LRP1: variants seen among roughly 807,000 people sequenced by gnomAD.
LRP1 encodes prolow-density lipoprotein receptor-related protein 1.
In LRP1, 51 loss-of-function variants were observed where a neutral mutation model predicts 541.5. That is an observed-to-expected ratio of 0.09 (90% confidence interval 0.08 to 0.12). The LOEUF (loss-of-function observed/expected upper bound fraction) is 0.12, where lower values mean the gene tolerates loss of function less well. Ranked by LOEUF, LRP1 falls within the 10% of genes least tolerant of loss-of-function variation. The pLI is 1.00. For synonymous variants in LRP1, 2,219 were observed against 2,470.8 expected, an observed-to-expected ratio of 0.90 and a Z score of 3.02; for missense variants, 3,878 against 6,376.2, an observed-to-expected ratio of 0.61 and a Z score of 13.34.
Position 57,158,553 on chromosome 12 carries a change from C to T in LRP1, c.1713C>T (p.Gly571=), listed in dbSNP as rs1264867398. 6.2e-6 allele frequency: 10 copies of T among 1,614,076 alleles called. No homozygotes were observed. The highest frequency in any genetic ancestry group is 1.1e-5 in the South Asian group (1 of 91,086). The change falls in exon 11 of 89, where the codon GGC becomes GGT. Residue 571 remains glycine, a synonymous_variant. Coordinates refer to ENST00000243077, the MANE Select transcript of LRP1 (RefSeq NM_002332.3). This position sits in a 1 kb window ranked among gnomAD's most constrained non-coding sequence, Gnocchi z 5.3. ...PRALDFHAET[G]FIYFADTTSY... ...CCCTGGACTTCCACGCTGAGACCGGCTTCATCTACTTTGCCGACACCACCA... is the reference window on the plus strand; with the variant it reads ...CCCTGGACTTCCACGCTGAGACCGGTTTCATCTACTTTGCCGACACCACCA...
chr12:57,178,497 A>G lies in LRP1; in HGVS notation c.4500A>G (p.Thr1500=), dbSNP rs927915194. Residue 1500 remains threonine (T), a synonymous_variant, in exon 27 of 89, where the codon ACA becomes ACG. Coordinates refer to ENST00000243077, the MANE Select transcript of LRP1 (RefSeq NM_002332.3). This position sits in a 1 kb window ranked among gnomAD's most constrained non-coding sequence, Gnocchi z 5.8. The stretch of plus-strand genomic sequence containing the variant: ...ACTGGACTGACTGGCGAACAAACAC[A>G]CTGGCTAAGGCCAACAAGTGGACCG... ...EVYWTDWRTN[T]LAKANKWTGH... 9.9e-6 allele frequency: 16 copies of G among 1,614,190 alleles called. No homozygotes were observed. Among genetic ancestry groups the G allele is most frequent in the Non-Finnish European group, 1.4e-5 (16 of 1,180,024 alleles).
At chr12:57,157,757 G>A (rs141812646) in intron 10 of LRP1, among the ~76,000 whole-genome samples, 36 of 152,370 alleles carry the variant, frequency 2.4e-4, no homozygotes, top group South Asian at 6.2e-4. Flanking sequence ...GAGCATGTCC[G>A]GCAGAGGAAA....
chr12:57,201,383 CGAA>C lies in LRP1; in HGVS notation c.10346-109_10346-107del, dbSNP rs2036651130. 2 of 1,478,086 alleles carry C rather than the reference CGAA, an allele frequency of 1.4e-6. No individual in the cohort carries two copies. Among genetic ancestry groups the C allele is most frequent in the South Asian group, 1.3e-5 (1 of 74,504 alleles). 91.6% of individuals were successfully genotyped at this position (1,478,086 alleles called of 1,614,324 possible). A position where few individuals can be genotyped will look rare whatever the true frequency, so the allele number is the denominator to read the frequency against. ...ACTGGGGATAAACTGTTCCTTCCTC[CGAA>C]GAAGTTGCTGGCAGGACCAAGGCCA... On this transcript the variant is annotated intron_variant, in intron 65 of 88. Coordinates refer to ENST00000243077, the MANE Select transcript of LRP1 (RefSeq NM_002332.3). The surrounding 1 kb of genome is among the most constrained non-coding windows in gnomAD (Gnocchi z 6.4).
At chr12:57,151,946 G>A (rs1053239573) in intron 6 of LRP1, among the ~76,000 whole-genome samples, 7 of 152,296 alleles carry the variant, frequency 4.6e-5, no homozygotes, top group Non-Finnish European at 8.8e-5. Flanking sequence ...AATACCAAAG[G>A]GGAGGCCAGG....
chr12:57,191,528 G>A lies in LRP1; in HGVS notation c.7429+16G>A, dbSNP rs547102179. 7.0e-6 allele frequency: 11 copies of A among 1,568,482 alleles called. No homozygotes were observed. The African/African-American group carries it at 8.1e-5, about 12-fold the overall frequency. ...ACCAACAGCTGTGAGTGGGGCTGCC[G>A]CCAGCTGCCTCACCCTCCTGCCTGT... On this transcript the variant is annotated intron_variant, in intron 44 of 88. Transcript: ENST00000243077.
At chr12:57,208,875 C>G (rs981403807) in intron 78 of LRP1, 58 bp downstream of exon 78, 1 of 1,410,996 alleles carries the variant, frequency 7.1e-7, no homozygotes, top group Non-Finnish European at 1.0e-6. Flanking sequence ...TCGCAGAGCC[C>G]AGCTGCTGCT....
intron 6 of LRP1, chr12:57,147,330 G>C (rs1292532408): frequency 6.6e-6 from 1 of 152,216 alleles, no homozygotes; most frequent in Non-Finnish European, 1.5e-5. Context: ...AACTGAGGAC[G>C]TCAGTGTCTC....
intron 77 of LRP1, 185 bp downstream of exon 77, chr12:57,208,401 G>A (rs2036833486): frequency 5.9e-6 from 4 of 672,438 alleles, no homozygotes; most frequent in Non-Finnish European, 9.9e-6. Context: ...TCTGCCCAGG[G>A]CCCCCAGCTG....
At position 57,145,488 on chromosome 12, in the gene LRP1, A is replaced by G. The variant is rs2035386461; in HGVS notation, c.839A>G (p.His280Arg). 1.2e-5 allele frequency: 20 copies of G among 1,612,306 alleles called. No individual in the cohort carries two copies. The highest frequency in any genetic ancestry group is 1.7e-5 in the Non-Finnish European group (20 of 1,179,150). ...ACCATCAACATCTCCCTCAGTCTGC[A>G]CCGTGAGTCACCTGCTCTCAGCTTG... ...EHTINISLSL[H>R]HVEQMAIDWL... Residue 280 changes from histidine (H) to arginine (R), a missense_variant and splice_region_variant, in exon 6 of 89, where the codon CAC becomes CGC. Around this residue, in one of 13 missense-constraint regions of LRP1, gnomAD observed 293 missense variants for 403.7 expected, o/e 0.73. Transcript: ENST00000243077.
At position 57,161,002 on chromosome 12, in the gene LRP1, A is replaced by G; in HGVS notation, c.2089A>G (p.Thr697Ala). ...CCGAGACATCTTTGTCACCTCCAAG[A>G]CAGTGCTTTGGCCCAATGGGCTAAG... is the stretch of plus-strand genomic sequence containing the variant. Reference protein sequence around the residue: ...SHRDIFVTSKTVLWPNGLSLD... With the variant: ...SHRDIFVTSKAVLWPNGLSLD... The change falls in exon 13 of 89, where the codon ACA (threonine) becomes GCA (alanine). Residue 697 changes from threonine to alanine, a missense_variant. Transcript: ENST00000243077. The G allele has an allele frequency of 6.2e-7, 1 of 1,613,826 alleles. No individual in the cohort carries two copies.
At position 57,143,676 on chromosome 12, in the gene LRP1, C is replaced by A; in HGVS notation, c.329-3C>A. On this transcript the variant is annotated splice_region_variant and splice_polypyrimidine_tract_variant and intron_variant, in intron 3 of 88. Transcript: ENST00000243077. ...AATATGTGTCTCTCCTGCCCCCACA[C>A]AGAGCTCCAAGGCAACTGCTCTCGC... The A allele has an allele frequency of 6.2e-7, 1 of 1,612,462 alleles. No homozygotes were observed. The highest frequency in any genetic ancestry group is 1.3e-5 in the African/African-American group (1 of 75,050).
intron 77 of LRP1, 82 bp downstream of exon 77, chr12:57,208,298 G>T (rs34100010): frequency 7.0e-7 from 1 of 1,434,560 alleles, no homozygotes. Flanking sequence ...ACCCACATGC[G>T]TGCCCTTCCC....
rs1056022546 is a variant in LRP1 at position 57,205,892 on chromosome 12, C to T, written c.11590+215C>T. 1 of 649,810 alleles carries T rather than the reference C, an allele frequency of 1.5e-6. No individual in the cohort carries two copies. Among genetic ancestry groups the T allele is most frequent in the Admixed American group, 3.0e-5 (1 of 33,762 alleles). The allele number at this position is 649,810 out of a possible 1,614,324, so 40.3% of individuals were successfully genotyped here. A position where few individuals can be genotyped will look rare whatever the true frequency, so the allele number is the denominator to read the frequency against. ...TGAAGGAGTCTGGGGTGTGGCAGTGCTCTGAATTGCACACACACCTCCTCA... is the reference window on the plus strand; with the variant it reads ...TGAAGGAGTCTGGGGTGTGGCAGTGTTCTGAATTGCACACACACCTCCTCA... On this transcript the variant is annotated intron_variant, in intron 75 of 88. Transcript: ENST00000243077. The surrounding 1 kb of genome is among the most constrained non-coding windows in gnomAD (Gnocchi z 4.6).
Position 57,201,021 on chromosome 12 carries a change from C to G in LRP1, c.10226-13C>G. 19 of 1,614,074 alleles carry G rather than the reference C, an allele frequency of 1.2e-5. No individual in the cohort carries two copies. The highest frequency in any genetic ancestry group is 1.6e-5 in the Non-Finnish European group (19 of 1,180,022). ...CTCCCTTCGCCACGAATCACCTCCTCCTCCCTCCACAGACATCCACGTCTG... is the reference window on the plus strand; with the variant it reads ...CTCCCTTCGCCACGAATCACCTCCTGCTCCCTCCACAGACATCCACGTCTG... On this transcript the variant is annotated splice_polypyrimidine_tract_variant and intron_variant, in intron 64 of 88. Coordinates refer to ENST00000243077, the MANE Select transcript of LRP1 (RefSeq NM_002332.3). The surrounding 1 kb of genome is among the most constrained non-coding windows in gnomAD (Gnocchi z 6.4).
chr12:57,143,025 T>TG (rs923489133), intron 3 of LRP1, among the ~76,000 whole-genome samples: 4 of 152,010 alleles, frequency 2.6e-5, no homozygotes, highest in Admixed American at 6.6e-5. Flanking sequence ...GTCGCTGGTC[T>TG]GGGGGGGCAA....
At position 57,184,040 on chromosome 12, in the gene LRP1, C is replaced by T; in HGVS notation, c.5930-45C>T. The T allele has an allele frequency of 3.1e-6, 5 of 1,603,486 alleles. No individual in the cohort carries two copies. Among genetic ancestry groups the T allele is most frequent in the Non-Finnish European group, 4.3e-6 (5 of 1,173,614 alleles). On this transcript the variant is annotated intron_variant, in intron 36 of 88. Transcript: ENST00000243077. The surrounding 1 kb of genome is among the most constrained non-coding windows in gnomAD (Gnocchi z 7.8). ...GGGAGCTTGGAGACACCAGGTCCAC[C>T]TGTCCTCACCTAACCTCCCTGAGCC...
Position 57,183,642 on chromosome 12 carries a change from T to A in LRP1, c.5794+132T>A, listed in dbSNP as rs1357745171. 6.7e-5 allele frequency: 99 copies of A among 1,479,114 alleles called. No homozygotes were observed. Among genetic ancestry groups the A allele is most frequent in the Non-Finnish European group, 8.6e-5 (94 of 1,093,878 alleles). 91.6% of individuals were successfully genotyped at this position (1,479,114 alleles called of 1,614,324 possible). A position where few individuals can be genotyped will look rare whatever the true frequency, so the allele number is the denominator to read the frequency against. Reference sequence around the variant, plus strand: ...GGGGCACTTGCTACAGCTGCCACCCTGACTCCACCTCCCCTTCAAGCACCT... The same window carrying A: ...GGGGCACTTGCTACAGCTGCCACCCAGACTCCACCTCCCCTTCAAGCACCT... On this transcript the variant is annotated intron_variant, in intron 35 of 88. Coordinates refer to ENST00000243077, the MANE Select transcript of LRP1 (RefSeq NM_002332.3). This position sits in a 1 kb window ranked among gnomAD's most constrained non-coding sequence, Gnocchi z 6.1.
chr12:57,130,516 C>A (rs1341978169), intron 1 of LRP1, among the ~76,000 whole-genome samples: 1 of 148,868 alleles, frequency 6.7e-6, no homozygotes, highest in Non-Finnish European at 1.5e-5. Flanking sequence ...GCCTATAACT[C>A]CTGTCATTAT....
At chr12:57,163,130 G>C (rs931524315) in intron 15 of LRP1, 147 bp downstream of exon 15, 1 of 1,193,144 alleles carries the variant, frequency 8.4e-7, no homozygotes, top group Non-Finnish European at 1.1e-6. Context: ...CAAGGGAGGG[G>C]GAGAGCAAAG....
Sources: allele counts gnomAD v4.1 joint callset (sites outside exome capture counted in the v4.1 genomes callset), GRCh38; gene constraint gnomAD v4.1.1; regional missense constraint gnomAD v4.1.1; non-coding constraint Gnocchi (gnomAD v3.1); transcripts MANE v1.5; gene names NCBI Gene and HGNC (gene_info 2026-07-23, HGNC 2026-07-21).